Variants in TYW1 observed in about 807,000 individuals in gnomAD.
TYW1 encodes the protein S-adenosyl-L-methionine-dependent tRNA 4-demethylwyosine synthase TYW1.
TYW1 carries 46 observed loss-of-function variants against 96.2 expected under a neutral mutation model. That is an observed-to-expected ratio of 0.48 (90% CI 0.38 to 0.61). The LOEUF (loss-of-function observed/expected upper bound fraction) is 0.61, where lower values mean the gene tolerates loss of function less well. Among genes scored for constraint, TYW1 ranks in the 20% least tolerant of loss-of-function variants. The pLI is 0.00. For synonymous variants in TYW1, 274 were observed against 323.0 expected, an observed-to-expected ratio of 0.85 and a Z score of 1.63; for missense variants, 684 against 909.6, an observed-to-expected ratio of 0.75 and a Z score of 3.19.
intron 7 of TYW1, 122 bp from the exon 8 acceptor site, chr7:67,049,827 G>A (rs1194420886): frequency 1.2e-5 from 14 of 1,215,958 alleles, no homozygotes; most frequent in Non-Finnish European, 1.5e-5. Context: ...GATTACAGGC[G>A]TGAGCCACCG....
intron 13 of TYW1, among the ~76,000 whole-genome samples, chr7:67,120,841 C>T (rs1311937806): frequency 6.6e-6 from 1 of 152,220 alleles, no homozygotes; most frequent in Non-Finnish European, 1.5e-5. Flanking sequence ...TGGGTTTGCT[C>T]ATGACAGTAA....
At chr7:67,101,229 G>C (rs1340851721) in intron 12 of TYW1, among the ~76,000 whole-genome samples, 2 of 152,124 alleles carry the variant, frequency 1.3e-5, no homozygotes, top group African/African-American at 4.8e-5. Flanking sequence ...AGTGAAGTTT[G>C]GCAGTTACCC....
chr7:67,008,995 G>A (rs1227095725), intron 3 of TYW1, among the ~76,000 whole-genome samples: 5 of 152,012 alleles, frequency 3.3e-5, no homozygotes, highest in Non-Finnish European at 7.4e-5. Context: ...ACTTCTCTGT[G>A]TTTATTGTTT....
rs776243685 is a variant in TYW1 at position 67,117,511 on chromosome 7, G to C, written c.1591G>C (p.Val531Leu). Residue 531 changes from valine (V) to leucine (L), a missense_variant, in exon 13 of 16, where the codon GTC becomes CTC. Coordinates refer to ENST00000359626, the MANE Select transcript of TYW1 (RefSeq NM_018264.4). ...RNLEPVTQLY[V>L]SVDASTKDSL... ...CCTCGAGCCGGTTACTCAGCTGTATGTCAGTGTGGATGCCAGTACCAAAGA... is the reference window on the plus strand; with the variant it reads ...CCTCGAGCCGGTTACTCAGCTGTATCTCAGTGTGGATGCCAGTACCAAAGA... 1.2e-6 allele frequency: 2 copies of C among 1,611,332 alleles called. No homozygotes were observed. The highest frequency in any genetic ancestry group is 1.7e-6 in the Non-Finnish European group (2 of 1,179,366).
chr7:67,193,029 A>G (rs191607423), intron 14 of TYW1, among the ~76,000 whole-genome samples: 11 of 152,350 alleles, frequency 7.2e-5, no homozygotes, highest in Admixed American at 7.2e-4. Flanking sequence ...CTGTGATGTC[A>G]GCAAGCTCTT....
In TYW1 at chr7:67,206,368, C is replaced by T. The variant is rs185596298; in HGVS notation, c.1977+11031C>T. 1.1e-3 allele frequency among the ~76,000 whole-genome samples: 162 copies of T among 152,276 alleles called. 2 individuals are homozygous for T. The East Asian group carries it at 0.027, about 25-fold the overall frequency. ...AGATGTGGCCAGGCACGGTGGCTCA[C>T]ACCTGTAATCTCAGCACTTTGGGAC... On this transcript the variant is annotated intron_variant, in intron 15 of 15. Coordinates refer to ENST00000359626, the MANE Select transcript of TYW1 (RefSeq NM_018264.4).
Position 67,024,921 on chromosome 7 carries a change from T to G in TYW1, c.883T>G (p.Ser295Ala). The change falls in exon 7 of 16, where the codon TCC becomes GCC. Residue 295 changes from serine (S) to alanine (A), a missense_variant. Transcript: ENST00000359626. The part of the protein sequence containing the change: ...DTEEEEPFES[S>A]SEEEFGGEDH... ...CCAGGAGGAAGAACCCTTTGAGAGC[T>G]CCAGTGAAGAAGAGTTTGGTGGTGA... 6.2e-7 allele frequency: 1 copy of G among 1,613,826 alleles called. No homozygotes were observed. The highest frequency in any genetic ancestry group is 8.5e-7 in the Non-Finnish European group (1 of 1,179,828).
intron 10 of TYW1, among the ~76,000 whole-genome samples, chr7:67,080,634 G>A (rs1300595087): frequency 2.0e-5 from 3 of 151,978 alleles, no homozygotes; most frequent in African/African-American, 7.2e-5. Flanking sequence ...TCCTGACCTC[G>A]TGATTCTCCC....
intron 11 of TYW1, among the ~76,000 whole-genome samples, chr7:67,089,751 C>T (rs1796655948): frequency 6.6e-6 from 1 of 152,182 alleles, no homozygotes; most frequent in East Asian, 1.9e-4. Context: ...AGTTATTTCA[C>T]TGAGTTATAA....
chr7:67,014,856 A>T (rs1460891180), intron 5 of TYW1, among the ~76,000 whole-genome samples: 1 of 151,828 alleles, frequency 6.6e-6, no homozygotes, highest in Non-Finnish European at 1.5e-5. Context: ...CAACCTCCCG[A>T]GTAGCTGGGA....
intron 13 of TYW1, among the ~76,000 whole-genome samples, chr7:67,154,355 T>C (rs537304525): frequency 4.1e-4 from 62 of 152,358 alleles, no homozygotes; most frequent in African/African-American, 1.4e-3. Context: ...CTTCCAGATA[T>C]AGGACTCCCT....
chr7:67,223,081 T>C, intron 15 of TYW1, among the ~76,000 whole-genome samples: 1 of 152,208 alleles, frequency 6.6e-6, no homozygotes. Context: ...TATGTCCTTT[T>C]CTTGACTTTT....
At chr7:67,211,219 A>G (rs566316864) in intron 15 of TYW1, among the ~76,000 whole-genome samples, 23 of 143,002 alleles carry the variant, frequency 1.6e-4, no homozygotes, top group Admixed American at 7.8e-4. Context: ...TGGCACTACA[A>G]GATTCTCCAG....
At chr7:67,208,689 CAA>C (rs10623787) in intron 15 of TYW1, among the ~76,000 whole-genome samples, 15 of 76,190 alleles carry the variant, frequency 2.0e-4, no homozygotes, top group Admixed American at 2.9e-4. Flanking sequence ...GACGCTGTCT[CAA>C]AAAAAAAAAA....
Position 67,210,478 on chromosome 7 carries a change from C to G in TYW1, c.1977+15141C>G, listed in dbSNP as rs1800962457. On this transcript the variant is annotated intron_variant, in intron 15 of 15. Transcript: ENST00000359626. Reference sequence around the variant, plus strand: ...CATACTGTGCTCTTTGGGAGGAAATCACCGTGTGTGGTCCATATCCAAGGG... The same window carrying G: ...CATACTGTGCTCTTTGGGAGGAAATGACCGTGTGTGGTCCATATCCAAGGG... 5.3e-5 allele frequency among the ~76,000 whole-genome samples: 8 copies of G among 152,302 alleles called. No individual in the cohort carries two copies. In the South Asian group the frequency reaches 1.2e-3, roughly 24 times the overall value.
chr7:67,161,841 A>G (rs552994614), intron 13 of TYW1, among the ~76,000 whole-genome samples: 1 of 152,240 alleles, frequency 6.6e-6, no homozygotes, highest in South Asian at 2.1e-4. Context: ...GACATAAAGT[A>G]GACTGCTGTA....
At chr7:67,208,180 G>A (rs1278011235) in intron 15 of TYW1, among the ~76,000 whole-genome samples, 1 of 151,980 alleles carries the variant, frequency 6.6e-6, no homozygotes. Context: ...TTAGCCAGAT[G>A]TGGTGGCGTG....
At chr7:67,026,688 G>T (rs62466618) in intron 7 of TYW1, among the ~76,000 whole-genome samples, 6,058 of 151,904 alleles carry the variant, frequency 0.04, 185 homozygotes, top group Middle Eastern at 0.11. Flanking sequence ...ACCCAGCCAG[G>T]TCTGCCTATT....
At chr7:67,050,284 T>C (rs1305906794) in intron 8 of TYW1, among the ~76,000 whole-genome samples, 1 of 152,168 alleles carries the variant, frequency 6.6e-6, no homozygotes, top group Non-Finnish European at 1.5e-5. Context: ...TTACTATCAG[T>C]GTGGGTCAAG....
Sources: gnomAD v4.1 joint callset for allele counts (sites outside exome capture counted in the v4.1 genomes callset) on GRCh38, gnomAD v4.1.1 for gene constraint, MANE v1.5 for transcripts, NCBI Gene and HGNC (gene_info 2026-07-23, HGNC 2026-07-21) for gene names.